Variants in CSMD1 observed in about 807,000 individuals in gnomAD.
CSMD1 encodes the protein CUB and sushi domain-containing protein 1.
A neutral mutation model predicts 417.5 loss-of-function variants in CSMD1; 213 were observed. That is an observed-to-expected ratio of 0.51 (90% CI 0.46 to 0.57). The LOEUF (loss-of-function observed/expected upper bound fraction) is 0.57. Among genes scored for constraint, CSMD1 ranks in the 20% least tolerant of loss-of-function variants. The probability of loss-of-function intolerance (pLI) is 0.00; values close to 1 mark genes in which losing one functional copy is unlikely to be tolerated. For missense variants in CSMD1, 6,923 were observed against 4,529.7 expected (o/e 1.53, Z -15.17); for synonymous variants, 2,862 against 1,736.8 (o/e 1.65, Z -16.11).
chr8:3,005,289 A>T (rs543139932), intron 52 of CSMD1, among the ~76,000 whole-genome samples: 1 of 152,176 alleles, frequency 6.6e-6, no homozygotes. Flanking sequence ...AAGCTTTGAA[A>T]ATCACTAGCT....
intron 68 of CSMD1, among the ~76,000 whole-genome samples, chr8:2,945,224 G>A (rs185889372): frequency 3.3e-5 from 5 of 152,254 alleles, no homozygotes; most frequent in Admixed American, 2.0e-4. Context: ...TTCCAACAAT[G>A]TACTCGTAAT....
intron 3 of CSMD1, among the ~76,000 whole-genome samples, chr8:4,038,897 G>T (rs1448778088): frequency 6.6e-6 from 1 of 152,116 alleles, no homozygotes; most frequent in Non-Finnish European, 1.5e-5. Context: ...ATATGCACAC[G>T]AAAATTCCCT....
intron 5 of CSMD1, among the ~76,000 whole-genome samples, chr8:3,975,703 G>A (rs1306946510): frequency 6.6e-6 from 1 of 152,200 alleles, no homozygotes; most frequent in Admixed American, 6.5e-5. Flanking sequence ...AAAAGCCATG[G>A]TTGACAACGA....
chr8:4,598,643 C>A (rs1020582499), intron 2 of CSMD1, among the ~76,000 whole-genome samples: 1 of 152,156 alleles, frequency 6.6e-6, no homozygotes, highest in Non-Finnish European at 1.5e-5. Context: ...ATTAACTATG[C>A]TAGGAATCTA....
chr8:3,139,881 CTTTCT>C (rs1212317828), intron 41 of CSMD1, among the ~76,000 whole-genome samples: 1 of 148,042 alleles, frequency 6.8e-6, no homozygotes, highest in Non-Finnish European at 1.5e-5. Context: ...CGTTTTTTTT[CTTTCT>C]TTTTTCTTTT....
At chr8:4,469,509 C>G (rs1800397312) in intron 2 of CSMD1, among the ~76,000 whole-genome samples, 1 of 152,140 alleles carries the variant, frequency 6.6e-6, no homozygotes, top group Non-Finnish European at 1.5e-5. Context: ...TACCTAGAAC[C>G]AAACCTATTC....
intron 12 of CSMD1, among the ~76,000 whole-genome samples, chr8:3,437,125 T>C (rs1233120964): frequency 6.6e-6 from 1 of 152,164 alleles, no homozygotes; most frequent in Non-Finnish European, 1.5e-5. Context: ...TGCTTGATCC[T>C]CCTGGTAGGG....
chr8:3,884,584 G>C (rs17400415), intron 5 of CSMD1, among the ~76,000 whole-genome samples: 8,459 of 152,208 alleles, frequency 0.056, 307 homozygotes, highest in South Asian at 0.13. Flanking sequence ...CATACACATG[G>C]AAACATCGGT....
intron 4 of CSMD1, among the ~76,000 whole-genome samples, chr8:4,009,107 T>C (rs1032724599): frequency 2.0e-5 from 3 of 152,278 alleles, no homozygotes; most frequent in Non-Finnish European, 4.4e-5. Context: ...AGTTAAAAAA[T>C]GGTTGAACAC....
At chr8:3,384,756 A>AC (rs1810878404) in intron 18 of CSMD1, among the ~76,000 whole-genome samples, 2 of 126,302 alleles carry the variant, frequency 1.6e-5, no homozygotes, top group African/African-American at 6.1e-5. Flanking sequence ...ATATTTATAT[A>AC]AATTATATAA....
chr8:4,968,252 T>C (rs1190839069), intron 1 of CSMD1, among the ~76,000 whole-genome samples: 2 of 111,852 alleles, frequency 1.8e-5, no homozygotes, highest in Non-Finnish European at 4.1e-5. Flanking sequence ...ATTTATATTA[T>C]GGAGAGCTAA....
At chr8:3,448,319 G>T (rs112166559) in intron 12 of CSMD1, among the ~76,000 whole-genome samples, 1 of 11,656 alleles carries the variant, frequency 8.6e-5, no homozygotes, top group Non-Finnish European at 2.2e-4. Flanking sequence ...AAGGAAGGAA[G>T]GAAGGGAGCA....
At chr8:4,898,343 T>C (rs1196376238) in intron 1 of CSMD1, among the ~76,000 whole-genome samples, 4 of 152,030 alleles carry the variant, frequency 2.6e-5, no homozygotes, top group Admixed American at 6.5e-5. Context: ...GATTTATAAT[T>C]ATTTGTTGCA....
At chr8:4,340,896 A>G (rs1800440217) in intron 3 of CSMD1, among the ~76,000 whole-genome samples, 1 of 152,032 alleles carries the variant, frequency 6.6e-6, no homozygotes, top group African/African-American at 2.4e-5. Flanking sequence ...ATTACCTACA[A>G]TTTAAAGTGG....
chr8:4,693,707 C>T (rs1034068384), intron 1 of CSMD1, among the ~76,000 whole-genome samples: 4 of 152,098 alleles, frequency 2.6e-5, no homozygotes, highest in African/African-American at 7.2e-5. Context: ...CCTACGCTTC[C>T]CAGGCTGGAG....
At chr8:4,654,519 T>TA (rs1166674460) in intron 1 of CSMD1, among the ~76,000 whole-genome samples, 1 of 152,076 alleles carries the variant, frequency 6.6e-6, no homozygotes, top group Non-Finnish European at 1.5e-5. Context: ...ATATACTTCT[T>TA]ACGTTTGCTG....
intron 2 of CSMD1, among the ~76,000 whole-genome samples, chr8:4,507,160 A>G (rs115839932): frequency 2.0e-5 from 3 of 152,186 alleles, no homozygotes; most frequent in South Asian, 2.1e-4. Flanking sequence ...ATATTTCTGA[A>G]AGTTTACTGA....
intron 27 of CSMD1, among the ~76,000 whole-genome samples, chr8:3,225,453 G>T (rs532774484): frequency 1.8e-4 from 28 of 151,910 alleles, no homozygotes; most frequent in Admixed American, 1.8e-3. Context: ...CTCTCACAGG[G>T]CAGTGCCTCC....
chr8:4,427,562 A>C (rs935717369), intron 2 of CSMD1, among the ~76,000 whole-genome samples: 3 of 151,986 alleles, frequency 2.0e-5, no homozygotes, highest in African/African-American at 7.3e-5. Context: ...TATACATCTT[A>C]CCAGATTAAA....
Sources: allele counts gnomAD v4.1 joint callset (sites outside exome capture counted in the v4.1 genomes callset), GRCh38; gene constraint gnomAD v4.1.1; transcripts MANE v1.5; gene names NCBI Gene and HGNC (gene_info 2026-07-23, HGNC 2026-07-21).